The following EVA1C variants were observed in gnomAD, a reference collection of about 807,000 sequenced individuals.
The protein encoded by EVA1C is protein eva-1 homolog C.
EVA1C carries 25 observed loss-of-function variants against 45.4 expected under a neutral mutation model. The observed-to-expected ratio is 0.55, with a 90% confidence interval of 0.40 to 0.77. The LOEUF (loss-of-function observed/expected upper bound fraction) is 0.77. Ranked by LOEUF, EVA1C falls within the 30% of genes least tolerant of loss-of-function variation. The probability of loss-of-function intolerance (pLI) is 0.00; values close to 1 mark genes in which losing one functional copy is unlikely to be tolerated. For missense variants in EVA1C, 479 were observed against 554.8 expected (o/e 0.86, Z 1.37); for synonymous variants, 190 against 221.2 (o/e 0.86, Z 1.25).
At chr21:32,502,324 C>G (rs1223571313) in intron 6 of EVA1C, among the ~76,000 whole-genome samples, 1 of 152,048 alleles carries the variant, frequency 6.6e-6, no homozygotes, top group African/African-American at 2.4e-5. Flanking sequence ...GTCTTGAACT[C>G]CTGACCTCAG....
intron 1 of EVA1C, among the ~76,000 whole-genome samples, chr21:32,442,934 T>C (rs373254260): frequency 3.4e-5 from 5 of 149,234 alleles, no homozygotes; most frequent in African/African-American, 1.2e-4. Context: ...CTCTTCTAAA[T>C]ACTAGTAACT....
rs189538354 is a variant in EVA1C, at chr21:32,416,917, A to G, written c.160+3904A>G. Among the ~76,000 whole-genome samples, 3 of 152,292 alleles carry G rather than the reference A, an allele frequency of 2.0e-5. No individual in the cohort carries two copies. In the East Asian group the frequency reaches 5.8e-4, roughly 30 times the overall value. ...GTCTTTAAGGCCTTCCTTGTACCCAAATGTCCCCAGACCTCAAACAAAGGT... is the reference window on the plus strand; with the variant it reads ...GTCTTTAAGGCCTTCCTTGTACCCAGATGTCCCCAGACCTCAAACAAAGGT... On this transcript the variant is annotated intron_variant, in intron 1 of 7. Coordinates refer to ENST00000300255, the MANE Select transcript of EVA1C (RefSeq NM_058187.5).
intron 1 of EVA1C, among the ~76,000 whole-genome samples, chr21:32,416,480 C>A (rs935821835): frequency 6.6e-6 from 1 of 151,872 alleles, no homozygotes; most frequent in Non-Finnish European, 1.5e-5. Flanking sequence ...GGGCACCCAC[C>A]ACCACACCCA....
At position 32,513,474 on chromosome 21, in the gene EVA1C, C is replaced by T. The variant is rs542835639; in HGVS notation, c.950-1340C>T. Among the ~76,000 whole-genome samples, 136 of 147,658 alleles carry T rather than the reference C, an allele frequency of 9.2e-4. 2 individuals carry two copies. The highest frequency in any genetic ancestry group is 3.6e-3 in the Middle Eastern group (1 of 280). ...GATTACAGGCGTGAGCCACCGTGCCCGGCCAATACTTATTATATTATTAAT... is the reference window on the plus strand; with the variant it reads ...GATTACAGGCGTGAGCCACCGTGCCTGGCCAATACTTATTATATTATTAAT... On this transcript the variant is annotated intron_variant, in intron 7 of 7. Coordinates refer to ENST00000300255, the MANE Select transcript of EVA1C (RefSeq NM_058187.5).
intron 4 of EVA1C, among the ~76,000 whole-genome samples, chr21:32,475,790 G>A (rs963319447): frequency 1.3e-5 from 2 of 152,086 alleles, no homozygotes; most frequent in African/African-American, 2.4e-5. Flanking sequence ...ACTTCCAGCT[G>A]ACTTCCTTGG....
At chr21:32,464,116 G>A (rs1309517712) in intron 3 of EVA1C, among the ~76,000 whole-genome samples, 4 of 152,200 alleles carry the variant, frequency 2.6e-5, no homozygotes, top group African/African-American at 9.7e-5. Context: ...ACCTTCTGAC[G>A]TTCGGGTCAG....
intron 4 of EVA1C, among the ~76,000 whole-genome samples, chr21:32,487,287 G>A (rs905901494): frequency 6.6e-5 from 10 of 152,152 alleles, no homozygotes; most frequent in Non-Finnish European, 4.4e-5. Context: ...CCCCAAGCTG[G>A]AGAGAGAGGC....
chr21:32,514,601 C>T (rs370174348), intron 7 of EVA1C, among the ~76,000 whole-genome samples: 1 of 152,182 alleles, frequency 6.6e-6, no homozygotes, highest in Non-Finnish European at 1.5e-5. Flanking sequence ...TTCTCCTACA[C>T]ATACATATAT....
intron 1 of EVA1C, among the ~76,000 whole-genome samples, chr21:32,418,096 C>T (rs1006719737): frequency 1.3e-5 from 2 of 152,164 alleles, no homozygotes; most frequent in African/African-American, 4.8e-5. Context: ...ATCAGCACCT[C>T]GCAACACAGA....
chr21:32,482,642 G>A lies in EVA1C; in HGVS notation c.635-12385G>A, dbSNP rs181780256. On this transcript the variant is annotated intron_variant, in intron 4 of 7. Coordinates refer to ENST00000300255, the MANE Select transcript of EVA1C (RefSeq NM_058187.5). ...AGTCGGACACTGTGTTAATCCATGA[G>A]ACCCACATGCCTCGAACCCCAGCAG... is the stretch of plus-strand genomic sequence containing the variant. Among the ~76,000 whole-genome samples the A allele has an allele frequency of 9.2e-3, 1,402 of 152,212 alleles. 14 individuals are homozygous for A. The highest frequency in any genetic ancestry group is 9.9e-3 in the Non-Finnish European group (676 of 68,018).
chr21:32,493,181 A>G lies in EVA1C; in HGVS notation c.635-1846A>G, dbSNP rs577993296. Among the ~76,000 whole-genome samples the G allele has an allele frequency of 3.3e-5, 5 of 152,294 alleles. No individual in the cohort carries two copies. The East Asian group carries it at 7.7e-4, about 24-fold the overall frequency. ...GTGAATGGAACTTTGCAAAGTCTCT[A>G]AAATTCTCTCCTCTTCCATTCCTTG... On this transcript the variant is annotated intron_variant, in intron 4 of 7. Coordinates refer to ENST00000300255, the MANE Select transcript of EVA1C (RefSeq NM_058187.5).
At chr21:32,463,214 C>T (rs1438382458) in intron 3 of EVA1C, among the ~76,000 whole-genome samples, 5 of 152,088 alleles carry the variant, frequency 3.3e-5, no homozygotes, top group East Asian at 1.9e-4. Flanking sequence ...AATGAGGAGG[C>T]GGGGATTTCA....
In EVA1C at chr21:32,474,978, C is replaced by T. The variant is rs1437223368; in HGVS notation, c.634+7130C>T. On this transcript the variant is annotated intron_variant, in intron 4 of 7. Transcript: ENST00000300255. This position sits in a 1 kb window ranked among gnomAD's most constrained non-coding sequence, Gnocchi z 4.4. ...CTCCCATTTACTACTGCAGCTCAGC[C>T]TCGCTGCTTTCAAGGGGAAAAGGGT... 6.6e-6 allele frequency among the ~76,000 whole-genome samples: 1 copy of T among 152,228 alleles called. No homozygotes were observed.
intron 4 of EVA1C, among the ~76,000 whole-genome samples, chr21:32,492,978 TGTGC>T (rs1172444404): frequency 1.3e-5 from 2 of 152,156 alleles, no homozygotes; most frequent in African/African-American, 4.8e-5. Flanking sequence ...TGTGTGTGTG[TGTGC>T]ATGCACAAGT....
chr21:32,462,363 C>T (rs947595484), intron 3 of EVA1C, among the ~76,000 whole-genome samples: 1 of 152,112 alleles, frequency 6.6e-6, no homozygotes, highest in African/African-American at 2.4e-5. Context: ...CACTGCACTC[C>T]AACCTATATG....
At chr21:32,457,502 C>A in intron 2 of EVA1C, 95 bp from the exon 3 acceptor site, 1 of 1,502,894 alleles carries the variant, frequency 6.7e-7, no homozygotes, top group South Asian at 1.2e-5. Flanking sequence ...GGGAGGCGTC[C>A]TTCCCTTTGC....
intron 3 of EVA1C, among the ~76,000 whole-genome samples, chr21:32,458,884 G>T (rs888994961): frequency 9.2e-5 from 14 of 152,028 alleles, no homozygotes; most frequent in African/African-American, 3.4e-4. Context: ...CGAGACCCTG[G>T]TGGCCTAGGT....
intron 4 of EVA1C, among the ~76,000 whole-genome samples, chr21:32,475,525 G>C (rs978803549): frequency 2.8e-5 from 4 of 141,718 alleles, no homozygotes; most frequent in African/African-American, 1.1e-4. Flanking sequence ...ACTGTTTTAC[G>C]TAATGGCAGT....
At chr21:32,442,633 A>C (rs2035217226) in intron 1 of EVA1C, among the ~76,000 whole-genome samples, 1 of 151,340 alleles carries the variant, frequency 6.6e-6, no homozygotes, top group South Asian at 2.1e-4. Flanking sequence ...TTTTATCTAA[A>C]GCATTAACCA....
Sources: allele counts gnomAD v4.1 joint callset (sites outside exome capture counted in the v4.1 genomes callset), GRCh38; gene constraint gnomAD v4.1.1; non-coding constraint Gnocchi (gnomAD v3.1); transcripts MANE v1.5; gene names NCBI Gene and HGNC (gene_info 2026-07-23, HGNC 2026-07-21).